SMARCA2: variants seen among roughly 807,000 people sequenced by gnomAD.
The protein encoded by SMARCA2 is SWI/SNF related BAF chromatin remodeling complex subunit ATPase 2, also known as SWI/SNF-related matrix-associated actin-dependent regulator of chromatin subfamily A member 2.
A neutral mutation model predicts 199.8 loss-of-function variants in SMARCA2; 61 were observed. The observed-to-expected ratio is 0.31, with a 90% CI of 0.25 to 0.38. SMARCA2 has a LOEUF of 0.38. SMARCA2 is among the 10% of genes least tolerant of loss of function. The pLI is 1.00. For missense variants in SMARCA2, 1,344 were observed against 2,012.2 expected, an observed-to-expected ratio of 0.67 and a Z score of 6.35; for synonymous variants, 935 against 732.0, an observed-to-expected ratio of 1.28 and a Z score of -4.48.
chr9:2,044,307 G>A (rs1254584596), intron 4 of SMARCA2: 3 of 152,240 alleles, frequency 2.0e-5, no homozygotes, highest in Non-Finnish European at 4.4e-5. Context: ...GCTCTAAGTA[G>A]CTCTGGTAGC....
intron 27 of SMARCA2, among the ~76,000 whole-genome samples, chr9:2,141,158 C>G (rs1209400245): frequency 6.8e-6 from 1 of 147,118 alleles, no homozygotes; most frequent in Non-Finnish European, 1.5e-5. Flanking sequence ...ATTTTCAGGA[C>G]TTTTCCTGAG....
At chr9:2,021,371 C>T (rs1431357070) in intron 1 of SMARCA2, among the ~76,000 whole-genome samples, 2 of 152,072 alleles carry the variant, frequency 1.3e-5, no homozygotes, top group East Asian at 3.8e-4. Flanking sequence ...AATCTCTAAC[C>T]AAAAAGGAAC....
At chr9:2,149,705 G>C (rs1240946907) in intron 27 of SMARCA2, among the ~76,000 whole-genome samples, 1 of 151,416 alleles carries the variant, frequency 6.6e-6, no homozygotes, top group Non-Finnish European at 1.5e-5. Flanking sequence ...GGGACACAGA[G>C]CCAAACCATA....
intron 28 of SMARCA2, among the ~76,000 whole-genome samples, chr9:2,165,888 C>T (rs1329127069): frequency 6.6e-6 from 1 of 152,118 alleles, no homozygotes; most frequent in African/African-American, 2.4e-5. Context: ...CTGCCTGGCC[C>T]AACTTCCCAC....
intron 4 of SMARCA2, chr9:2,040,127 G>A: frequency 1.1e-6 from 1 of 894,726 alleles, no homozygotes; most frequent in African/African-American, 1.7e-5. Context: ...TGTGCAAGCT[G>A]GAGACCCAGG....
Position 2,039,729 on chromosome 9 carries a change from C to T in SMARCA2, c.619C>T (p.Gln207Ter). 3 of 1,613,960 alleles carry T rather than the reference C, an allele frequency of 1.9e-6. No individual in the cohort carries two copies. Among genetic ancestry groups the T allele is most frequent in the Non-Finnish European group, 2.5e-6 (3 of 1,180,022 alleles). ...PLPETLQLAV[Q>*]GKRTLPGLQQ... is the part of the protein sequence containing the mutation. ...CCCCGAAACGCTGCAGCTTGCAGTC[C>T]AGGGGAAAAGGACGTTGCCTGGCTT... Residue 207 changes from glutamine (Q) to a stop codon, truncating the protein, a stop_gained, in exon 4 of 34, where the codon CAG (glutamine) becomes TAG (stop). Coordinates refer to ENST00000349721, the MANE Select transcript of SMARCA2 (RefSeq NM_003070.5). LOFTEE classifies it high-confidence loss of function. The surrounding 1 kb of genome is among the most constrained non-coding windows in gnomAD (Gnocchi z 4.8).
chr9:2,189,503 T>C (rs781301017), intron 32 of SMARCA2, among the ~76,000 whole-genome samples: 3 of 152,186 alleles, frequency 2.0e-5, no homozygotes, highest in Non-Finnish European at 4.4e-5. Context: ...CCTGTATAAA[T>C]GGACATATTT....
chr9:2,045,556 G>A (rs962171470), intron 4 of SMARCA2: 3 of 152,002 alleles, frequency 2.0e-5, no homozygotes, highest in Non-Finnish European at 2.9e-5. Flanking sequence ...AACTCTAAAT[G>A]TATCGTATTA....
rs1478234425 is a variant in SMARCA2 at position 2,110,583 on chromosome 9, A to G, written c.3456+166A>G. ...TGTTTTCTTATCTCCCTTAGAGCAT[A>G]GATACGAGGTCCCACATATGCCTTT... On this transcript the variant is annotated intron_variant, in intron 24 of 33. Transcript: ENST00000349721. This position sits in a 1 kb window ranked among gnomAD's most constrained non-coding sequence, Gnocchi z 4.8. Among the ~76,000 whole-genome samples the G allele has an allele frequency of 2.0e-5, 3 of 152,242 alleles. No individual in the cohort carries two copies. Among genetic ancestry groups the G allele is most frequent in the Non-Finnish European group, 4.4e-5 (3 of 68,040 alleles).
chr9:2,181,964 TGG>T (rs1274152220), intron 30 of SMARCA2, among the ~76,000 whole-genome samples, 175 bp from the exon 31 acceptor site: 1 of 152,184 alleles, frequency 6.6e-6, no homozygotes, highest in Non-Finnish European at 1.5e-5. Context: ...GGAATGACAG[TGG>T]GAGTGGGAGG....
At chr9:2,102,301 T>G (rs1822555666) in intron 22 of SMARCA2, among the ~76,000 whole-genome samples, 1 of 152,138 alleles carries the variant, frequency 6.6e-6, no homozygotes, top group African/African-American at 2.4e-5. Flanking sequence ...TTTCCCTACC[T>G]CTCCTTGCCT....
Position 2,123,703 on chromosome 9 carries a change from T to G in SMARCA2, c.3763-16T>G. 1 of 1,612,250 alleles carries G rather than the reference T, an allele frequency of 6.2e-7. No individual in the cohort carries two copies. On this transcript the variant is annotated splice_polypyrimidine_tract_variant and intron_variant, in intron 26 of 33. Coordinates refer to ENST00000349721, the MANE Select transcript of SMARCA2 (RefSeq NM_003070.5). The surrounding 1 kb of genome is among the most constrained non-coding windows in gnomAD (Gnocchi z 4.1). ...GAAGCCCTGACTTTCGGTGACCCTCTTATTAATGTCTCCAGCGGATGGACA... is the reference window on the plus strand; with the variant it reads ...GAAGCCCTGACTTTCGGTGACCCTCGTATTAATGTCTCCAGCGGATGGACA...
chr9:2,088,992 T>C lies in SMARCA2; in HGVS notation c.2883+379T>C, dbSNP rs555858520. ...TTGGCGTTGGGGACTTGTATCATCA[T>C]TGAAGGGGGTGGTAAACATTTACAG... On this transcript the variant is annotated intron_variant, in intron 19 of 33. Transcript: ENST00000349721. 2.0e-5 allele frequency among the ~76,000 whole-genome samples: 3 copies of C among 152,004 alleles called. No homozygotes were observed. The South Asian group carries it at 6.2e-4, about 32-fold the overall frequency.
At position 2,110,219 on chromosome 9, in the gene SMARCA2, G is replaced by C. The variant is rs1310773072; in HGVS notation, c.3293-35G>C. On this transcript the variant is annotated intron_variant, in intron 23 of 33. Transcript: ENST00000349721. The surrounding 1 kb of genome is among the most constrained non-coding windows in gnomAD (Gnocchi z 4.8). ...CATTCTGTGCCATTTTCAGACAAGA[G>C]TTAATTGGCAAATTAATTTTTCTGA... is the stretch of plus-strand genomic sequence containing the variant. 1.9e-6 allele frequency: 3 copies of C among 1,545,838 alleles called. No homozygotes were observed. The Admixed American group carries it at 5.9e-5, about 31-fold the overall frequency.
intron 4 of SMARCA2, chr9:2,045,018 G>C (rs1210866227): frequency 6.6e-6 from 1 of 152,128 alleles, no homozygotes; most frequent in East Asian, 1.9e-4. Context: ...ATAGTGACTT[G>C]ACTATACCTC....
Position 2,137,949 on chromosome 9 carries a change from G to T in SMARCA2, c.3981+14012G>T, listed in dbSNP as rs556761525. ...CCAGTGATCTGTGACTTCATGTAAA[G>T]ATTTCTTAAAATAATTCTAAAGGCA... On this transcript the variant is annotated intron_variant, in intron 27 of 33. Transcript: ENST00000349721. Among the ~76,000 whole-genome samples the T allele has an allele frequency of 5.3e-5, 8 of 152,270 alleles. No individual in the cohort carries two copies. In the East Asian group the frequency reaches 1.4e-3, roughly 26 times the overall value.
At chr9:2,047,960 A>G (rs1192314938) in intron 5 of SMARCA2, 1 of 152,250 alleles carries the variant, frequency 6.6e-6, no homozygotes, top group East Asian at 1.9e-4. Context: ...TTAAATCATT[A>G]GTCCAGAAGC....
chr9:2,103,881 C>T, intron 22 of SMARCA2, 122 bp from the exon 23 acceptor site: 1 of 709,378 alleles, frequency 1.4e-6, no homozygotes, highest in Non-Finnish European at 2.3e-6. Context: ...TCATTCATTT[C>T]ACAGTTACTT....
intron 31 of SMARCA2, among the ~76,000 whole-genome samples, 170 bp downstream of exon 31, chr9:2,182,412 C>T (rs909080255): frequency 2.0e-5 from 3 of 150,626 alleles, no homozygotes; most frequent in Non-Finnish European, 4.4e-5. Flanking sequence ...GCTTTGGCAT[C>T]TGCAGATTAC....
Sources: gnomAD v4.1 joint callset for allele counts (sites outside exome capture counted in the v4.1 genomes callset) on GRCh38, gnomAD v4.1.1 for gene constraint, Gnocchi (gnomAD v3.1) non-coding constraint, MANE v1.5 for transcripts, NCBI Gene and HGNC (gene_info 2026-07-23, HGNC 2026-07-21) for gene names.